LOC128706666: variants seen among roughly 807,000 people sequenced by gnomAD.
the LOC128706666 span, among the ~76,000 whole-genome samples, chr20:10,426,627 G>A: frequency 1.3e-5 from 2 of 152,132 alleles, no homozygotes; most frequent in Admixed American, 1.3e-4. Flanking sequence ...TCAACTCCTG[G>A]CCTCAAGTGA....
chr20:10,415,323 C>A, the LOC128706666 span, among the ~76,000 whole-genome samples: 1 of 152,162 alleles, frequency 6.6e-6, no homozygotes. Flanking sequence ...TAAAAGTAGG[C>A]TACAGCATAG....
At chr20:10,428,286 G>A in the LOC128706666 span, among the ~76,000 whole-genome samples, 1 of 152,166 alleles carries the variant, frequency 6.6e-6, no homozygotes, top group Non-Finnish European at 1.5e-5. Context: ...GAGGGGAGTA[G>A]GTATCATGCA....
At chr20:10,429,358 GA>G in the LOC128706666 span, among the ~76,000 whole-genome samples, 1 of 152,096 alleles carries the variant, frequency 6.6e-6, no homozygotes, top group Non-Finnish European at 1.5e-5. Flanking sequence ...CCTTATCAAA[GA>G]TCTGTCTTTG....
At chr20:10,431,255 G>A in the LOC128706666 span, among the ~76,000 whole-genome samples, 3 of 151,976 alleles carry the variant, frequency 2.0e-5, no homozygotes, top group Non-Finnish European at 4.4e-5. Context: ...CAACTTATAA[G>A]GTGAGGAAAT....
At chr20:10,425,945 G>C in the LOC128706666 span, among the ~76,000 whole-genome samples, 1 of 152,140 alleles carries the variant, frequency 6.6e-6, no homozygotes, top group Non-Finnish European at 1.5e-5. Flanking sequence ...GTAAATTTTA[G>C]ATCAAGTAAA....
the LOC128706666 span, among the ~76,000 whole-genome samples, chr20:10,417,916 T>C: frequency 1.3e-5 from 2 of 152,164 alleles, no homozygotes; most frequent in African/African-American, 4.8e-5. Flanking sequence ...ATGTGGGAAA[T>C]TTTTTAAAAG....
the LOC128706666 span, among the ~76,000 whole-genome samples, chr20:10,423,480 T>C: frequency 2.0e-5 from 3 of 152,278 alleles, no homozygotes; most frequent in East Asian, 1.9e-4. Context: ...AATAATAAAA[T>C]TGAGATTTGT....
the LOC128706666 span, among the ~76,000 whole-genome samples, chr20:10,423,180 T>A: frequency 6.6e-6 from 1 of 152,128 alleles, no homozygotes; most frequent in East Asian, 1.9e-4. Context: ...CTCACAAAAG[T>A]GTAATCCTAA....
the LOC128706666 span, among the ~76,000 whole-genome samples, chr20:10,422,893 A>G: frequency 2.6e-5 from 4 of 151,930 alleles, no homozygotes; most frequent in East Asian, 7.8e-4. Context: ...TTGTATTTTT[A>G]GTAGAGACAG....
chr20:10,423,603 G>GTAT, the LOC128706666 span, among the ~76,000 whole-genome samples: 1 of 152,172 alleles, frequency 6.6e-6, no homozygotes, highest in East Asian at 1.9e-4. Context: ...TAATGACATA[G>GTAT]TATGAACCCT....
the LOC128706666 span, among the ~76,000 whole-genome samples, chr20:10,432,939 G>A: frequency 6.6e-6 from 1 of 152,098 alleles, no homozygotes; most frequent in South Asian, 2.1e-4. Context: ...CAGTGTTTAG[G>A]GAATGACAAG....
At chr20:10,420,855 T>C in the LOC128706666 span, 2 of 152,222 alleles carry the variant, frequency 1.3e-5, no homozygotes, top group South Asian at 4.1e-4. Flanking sequence ...TGCTGTACTC[T>C]AACAAATGCT....
chr20:10,417,027 C>T, the LOC128706666 span, among the ~76,000 whole-genome samples: 6 of 151,920 alleles, frequency 3.9e-5, no homozygotes, highest in Admixed American at 3.3e-4. Context: ...AATGAATAGT[C>T]GCTAATAATT....
chr20:10,427,257 G>A, the LOC128706666 span, among the ~76,000 whole-genome samples: 1 of 152,132 alleles, frequency 6.6e-6, no homozygotes, highest in African/African-American at 2.4e-5. Context: ...TACATCAAAT[G>A]TTCTCATTTT....
chr20:10,432,959 C>A, the LOC128706666 span, among the ~76,000 whole-genome samples: 1 of 152,202 alleles, frequency 6.6e-6, no homozygotes, highest in Non-Finnish European at 1.5e-5. Context: ...GAAAAAAGGT[C>A]TGCACGTGTT....
the LOC128706666 span, among the ~76,000 whole-genome samples, chr20:10,433,774 A>C: frequency 1.3e-5 from 2 of 152,038 alleles, no homozygotes; most frequent in Non-Finnish European, 2.9e-5. Flanking sequence ...CCAGCGAGGG[A>C]GGGGACGGGG....
the LOC128706666 span, among the ~76,000 whole-genome samples, chr20:10,428,572 C>T: frequency 6.6e-6 from 1 of 152,210 alleles, no homozygotes; most frequent in Non-Finnish European, 1.5e-5. Context: ...GGCGCGGTGG[C>T]TCACGCCTCT....
At chr20:10,433,680 G>A in the LOC128706666 span, among the ~76,000 whole-genome samples, 5 of 152,086 alleles carry the variant, frequency 3.3e-5, no homozygotes, top group East Asian at 9.7e-4. Context: ...CGTCTCTAAC[G>A]CCGTCGGAGG....
the LOC128706666 span, chr20:10,413,943 T>TA: frequency 8.7e-4 from 354 of 404,614 alleles, no homozygotes; most frequent in Non-Finnish European, 1.2e-3. Context: ...TAATAAATAA[T>TA]AAAAAAAACA....
Sources: gnomAD v4.1 joint callset for allele counts (sites outside exome capture counted in the v4.1 genomes callset) on GRCh38, gnomAD v4.1.1 for gene constraint, MANE v1.5 for transcripts.